Variants in CSMD3 observed in about 807,000 individuals in gnomAD.
CSMD3 encodes the protein CUB and Sushi multiple domains 3.
CSMD3 carries 177 observed loss-of-function variants against 435.2 expected under a neutral mutation model. That is an observed-to-expected ratio of 0.41 (90% CI 0.36 to 0.46). The LOEUF is 0.46. Among genes scored for constraint, CSMD3 ranks in the 20% least tolerant of loss-of-function variants. The pLI is 0.34. For missense variants in CSMD3, 4,265 were observed against 4,504.6 expected (o/e 0.95, Z 1.52); for synonymous variants, 1,656 against 1,520.5 (o/e 1.09, Z -2.07).
At chr8:112,704,756 A>G in intron 13 of CSMD3, among the ~76,000 whole-genome samples, 1 of 152,284 alleles carries the variant, frequency 6.6e-6, no homozygotes, top group Middle Eastern at 3.4e-3. Flanking sequence ...AATGAAATAT[A>G]TAATTTACAA....
intron 12 of CSMD3, among the ~76,000 whole-genome samples, chr8:112,816,480 C>T (rs1220656121): frequency 6.6e-6 from 1 of 152,084 alleles, no homozygotes. Flanking sequence ...TATCACCTTT[C>T]GCCATATTTA....
At chr8:113,156,612 G>C (rs941030819) in intron 4 of CSMD3, among the ~76,000 whole-genome samples, 1 of 151,770 alleles carries the variant, frequency 6.6e-6, no homozygotes, top group Non-Finnish European at 1.5e-5. Flanking sequence ...ATGTTAGAGA[G>C]AGAATAGGCT....
At chr8:113,082,142 C>T (rs894741577) in intron 5 of CSMD3, among the ~76,000 whole-genome samples, 3 of 151,800 alleles carry the variant, frequency 2.0e-5, no homozygotes, top group African/African-American at 7.3e-5. Context: ...GACTGCTCTA[C>T]CTAGGACCTG....
intron 9 of CSMD3, among the ~76,000 whole-genome samples, chr8:112,923,432 T>G (rs544968419): frequency 2.0e-5 from 3 of 152,258 alleles, no homozygotes; most frequent in South Asian, 4.1e-4. Context: ...TTCTTTAGAT[T>G]TATCGACTTC....
At chr8:112,242,905 C>T (rs1222045026) in intron 65 of CSMD3, among the ~76,000 whole-genome samples, 3 of 151,810 alleles carry the variant, frequency 2.0e-5, no homozygotes, top group Non-Finnish European at 4.4e-5. Context: ...AAAGTGAATA[C>T]GAGATGAAAA....
At chr8:112,709,339 A>G (rs1309566437) in intron 13 of CSMD3, among the ~76,000 whole-genome samples, 3 of 152,072 alleles carry the variant, frequency 2.0e-5, no homozygotes. Flanking sequence ...TATTTTCTAA[A>G]GCTTATTTGA....
chr8:112,788,295 C>A (rs970676528), intron 13 of CSMD3, among the ~76,000 whole-genome samples: 1 of 151,954 alleles, frequency 6.6e-6, no homozygotes, highest in African/African-American at 2.4e-5. Context: ...GCCTTTTACA[C>A]CAAATCATGG....
At chr8:112,439,309 T>A (rs1814721556) in intron 32 of CSMD3, among the ~76,000 whole-genome samples, 1 of 152,032 alleles carries the variant, frequency 6.6e-6, no homozygotes, top group Non-Finnish European at 1.5e-5. Context: ...CCTGGCTAAT[T>A]TTTTGTATTT....
intron 45 of CSMD3, among the ~76,000 whole-genome samples, chr8:112,329,675 T>C (rs12334550): frequency 0.032 from 4,870 of 152,248 alleles, 100 homozygotes; most frequent in Non-Finnish European, 0.043. Flanking sequence ...GTGTTCCTGA[T>C]AGTCTTTGGC....
At chr8:112,392,653 C>T (rs572599594) in intron 35 of CSMD3, among the ~76,000 whole-genome samples, 49 of 151,330 alleles carry the variant, frequency 3.2e-4, no homozygotes, top group African/African-American at 1.1e-3. Flanking sequence ...ACAACTTTTC[C>T]TCATACGTAC....
In CSMD3 at chr8:112,281,517, T is replaced by A. The variant is rs375163272; in HGVS notation, c.9332-167A>T. 1.4e-4 allele frequency among the ~76,000 whole-genome samples: 21 copies of A among 152,326 alleles called. No individual in the cohort carries two copies. In the South Asian group the frequency reaches 4.3e-3, roughly 32 times the overall value. On this transcript the variant is annotated intron_variant, in intron 58 of 70. Transcript: ENST00000297405. Reference sequence around the variant, plus strand: ...GTTGAAATTCAAGATGAATGTATGTTGATTTTATTCGCTTAATTACTGGGA... The same window carrying A: ...GTTGAAATTCAAGATGAATGTATGTAGATTTTATTCGCTTAATTACTGGGA...
intron 6 of CSMD3, among the ~76,000 whole-genome samples, chr8:112,987,775 G>C (rs1489509365): frequency 6.6e-6 from 1 of 152,018 alleles, no homozygotes; most frequent in Non-Finnish European, 1.5e-5. Flanking sequence ...TCTCAACAGA[G>C]GCCTGATTGC....
At chr8:112,431,781 T>C (rs541694190) in intron 32 of CSMD3, among the ~76,000 whole-genome samples, 1 of 152,286 alleles carries the variant, frequency 6.6e-6, no homozygotes, top group South Asian at 2.1e-4. Context: ...CTGTGGCAAT[T>C]GTTCATGAAG....
At chr8:112,469,946 T>C (rs914021651) in intron 32 of CSMD3, among the ~76,000 whole-genome samples, 1 of 152,078 alleles carries the variant, frequency 6.6e-6, no homozygotes. Flanking sequence ...GTAATAAATA[T>C]AGCTCAACGT....
intron 24 of CSMD3, among the ~76,000 whole-genome samples, chr8:112,559,952 A>C (rs1586683046): frequency 6.6e-6 from 1 of 151,768 alleles, no homozygotes; most frequent in Non-Finnish European, 1.5e-5. Flanking sequence ...GAGAAAAAAA[A>C]CTTTTACTTG....
intron 9 of CSMD3, among the ~76,000 whole-genome samples, chr8:112,922,756 T>A (rs1455543723): frequency 6.6e-6 from 1 of 152,032 alleles, no homozygotes; most frequent in Non-Finnish European, 1.5e-5. Context: ...AAGTCCTACA[T>A]GTCATCTCTC....
intron 4 of CSMD3, among the ~76,000 whole-genome samples, chr8:113,120,962 G>A (rs1455221728): frequency 6.6e-6 from 1 of 152,054 alleles, no homozygotes; most frequent in Non-Finnish European, 1.5e-5. Flanking sequence ...CAATGCTTAC[G>A]TTTTTCTAAA....
At chr8:112,762,713 A>T (rs1383954137) in intron 13 of CSMD3, among the ~76,000 whole-genome samples, 5 of 151,922 alleles carry the variant, frequency 3.3e-5, no homozygotes, top group Non-Finnish European at 7.4e-5. Flanking sequence ...ACATAATCAA[A>T]GTTGTGTTTC....
intron 32 of CSMD3, among the ~76,000 whole-genome samples, chr8:112,468,982 G>C (rs1210153660): frequency 6.6e-6 from 1 of 151,942 alleles, no homozygotes; most frequent in Non-Finnish European, 1.5e-5. Context: ...ATTGACATTT[G>C]TCTTATTTAT....
Sources: allele counts gnomAD v4.1 joint callset (sites outside exome capture counted in the v4.1 genomes callset), GRCh38; gene constraint gnomAD v4.1.1; transcripts MANE v1.5; gene names NCBI Gene and HGNC (gene_info 2026-07-23, HGNC 2026-07-21).